The following OR51A4 variants were observed in gnomAD, a reference collection of about 807,000 sequenced individuals.
OR51A4 encodes olfactory receptor family 51 subfamily A member 4.
For synonymous variants in OR51A4, 96 were observed against 141.5 expected, an observed-to-expected ratio of 0.68 and a Z score of 2.28; for missense variants, 243 against 364.0, an observed-to-expected ratio of 0.67 and a Z score of 2.70.
In OR51A4 at chr11:4,946,106, T is replaced by G; in HGVS notation, c.*53A>C. The G allele has an allele frequency of 6.6e-7, 1 of 1,510,578 alleles. No individual in the cohort carries two copies. Among genetic ancestry groups the G allele is most frequent in the Non-Finnish European group, 9.1e-7 (1 of 1,096,270 alleles). The allele number at this position is 1,510,578 out of a possible 1,614,324, so 93.6% of individuals were successfully genotyped here. ...GGTGTCAAATATTAGGTTTCTCAAA[T>G]TTACCTTAAATATCTTACCAGACAT... On this transcript the variant is annotated 3_prime_UTR_variant, in exon 2 of 2. Coordinates refer to ENST00000641898, the MANE Select transcript of OR51A4 (RefSeq NM_001005329.2).
At position 4,945,243 on chromosome 11, in the gene OR51A4, A is replaced by G. The variant is rs995243822; in HGVS notation, c.*916T>C. The G allele has an allele frequency of 1.1e-4, 17 of 152,168 alleles. No individual in the cohort carries two copies. The highest frequency in any genetic ancestry group is 4.1e-4 in the African/African-American group (17 of 41,458). 9.4% of individuals were successfully genotyped at this position (152,168 alleles called of 1,614,324 possible). A position where few individuals can be genotyped will look rare whatever the true frequency, so the allele number is the denominator to read the frequency against. ...TATGAGGAAATTAAGCCAAAATTTA[A>G]AGAAAAAAATAGAAATGCATTATAC... On this transcript the variant is annotated 3_prime_UTR_variant, in exon 2 of 2. Coordinates refer to ENST00000641898, the MANE Select transcript of OR51A4 (RefSeq NM_001005329.2).
At position 4,947,167 on chromosome 11, in the gene OR51A4, A is replaced by G; in HGVS notation, c.-62-5T>C. On this transcript the variant is annotated splice_region_variant and splice_polypyrimidine_tract_variant and intron_variant, in intron 1 of 1. Coordinates refer to ENST00000641898, the MANE Select transcript of OR51A4 (RefSeq NM_001005329.2). ...GTGTTGGTAAAATAGGAATATCTGT[A>G]AATTTAGTAGAAAAAAAGCAGTGTT... 1.9e-6 allele frequency: 2 copies of G among 1,060,726 alleles called. No homozygotes were observed. The highest frequency in any genetic ancestry group is 2.7e-6 in the Non-Finnish European group (2 of 751,080). 65.7% of individuals were successfully genotyped at this position (1,060,726 alleles called of 1,614,324 possible). A position where few individuals can be genotyped will look rare whatever the true frequency, so the allele number is the denominator to read the frequency against.
rs750706249 is a variant in OR51A4, at chr11:4,943,518, G to C, written c.*2641C>G. 4.4e-6 allele frequency: 2 copies of C among 455,894 alleles called. No individual in the cohort carries two copies. The highest frequency in any genetic ancestry group is 8.8e-6 in the Non-Finnish European group (2 of 226,580). 28.2% of individuals were successfully genotyped at this position (455,894 alleles called of 1,614,324 possible). On this transcript the variant is annotated 3_prime_UTR_variant, in exon 2 of 2. Transcript: ENST00000641898. ...TAATGCTTGGCACCACTGACATTTT[G>C]TGCTAGATAATTCTTTTGGGTAAGG...
In OR51A4 at chr11:4,944,071, G is replaced by C. The variant is rs2605303; in HGVS notation, c.*2088C>G. The C allele has an allele frequency of 2.2e-6, 1 of 448,578 alleles. No individual in the cohort carries two copies. The allele number at this position is 448,578 out of a possible 1,614,324, so 27.8% of individuals were successfully genotyped here. On this transcript the variant is annotated 3_prime_UTR_variant, in exon 2 of 2. Transcript: ENST00000641898. ...TAATAAAATATGTCAACTACTGCTT[G>C]GTTGTACTACAACCCCAAACCCATA...
Position 4,943,115 on chromosome 11 carries a change from A to G in OR51A4, c.*3044T>C, listed in dbSNP as rs766520747. 6.0e-5 allele frequency: 10 copies of G among 166,002 alleles called. No individual in the cohort carries two copies. The highest frequency in any genetic ancestry group is 9.6e-5 in the African/African-American group (4 of 41,636). The allele number at this position is 166,002 out of a possible 1,614,324, so 10.3% of individuals were successfully genotyped here. A position where few individuals can be genotyped will look rare whatever the true frequency, so the allele number is the denominator to read the frequency against. Reference sequence around the variant, plus strand: ...TCCCCTTCGTCCCTTATAATTTTGTAGTGTTCCATCCCTTACAATGTTTTC... The same window carrying G: ...TCCCCTTCGTCCCTTATAATTTTGTGGTGTTCCATCCCTTACAATGTTTTC... On this transcript the variant is annotated 3_prime_UTR_variant, in exon 2 of 2. Transcript: ENST00000641898.
rs1220402841 is a variant in OR51A4, at chr11:4,944,312, C to G, written c.*1847G>C. On this transcript the variant is annotated 3_prime_UTR_variant, in exon 2 of 2. Transcript: ENST00000641898. Reference sequence around the variant, plus strand: ...TTTGAACCCCAGCTTTTGACTTCCTCTCTGTGTGAATTTCATTAAATCAAA... The same window carrying G: ...TTTGAACCCCAGCTTTTGACTTCCTGTCTGTGTGAATTTCATTAAATCAAA... The G allele has an allele frequency of 5.7e-6, 1 of 174,482 alleles. No individual in the cohort carries two copies. Among genetic ancestry groups the G allele is most frequent in the Non-Finnish European group, 1.2e-5 (1 of 82,232 alleles). 10.8% of individuals were successfully genotyped at this position (174,482 alleles called of 1,614,324 possible).
rs1214937884 is a variant in OR51A4, at chr11:4,944,748, AG to A, written c.*1410del. 6.6e-6 allele frequency: 1 copy of A among 152,170 alleles called. No homozygotes were observed. Among genetic ancestry groups the A allele is most frequent in the Non-Finnish European group, 1.5e-5 (1 of 68,014 alleles). The allele number at this position is 152,170 out of a possible 1,614,324, so 9.4% of individuals were successfully genotyped here. On this transcript the variant is annotated 3_prime_UTR_variant, in exon 2 of 2. Transcript: ENST00000641898. ...GGACAATTTTTCAGCCACAAATCCAAGGCAATAAATTTGTCTTTAACATCAT... is the reference window on the plus strand; with the variant it reads ...GGACAATTTTTCAGCCACAAATCCAAGCAATAAATTTGTCTTTAACATCAT...
Position 4,944,897 on chromosome 11 carries a change from C to T in OR51A4, c.*1262G>A, listed in dbSNP as rs1589946925. On this transcript the variant is annotated 3_prime_UTR_variant, in exon 2 of 2. Coordinates refer to ENST00000641898, the MANE Select transcript of OR51A4 (RefSeq NM_001005329.2). ...TATTACTGAACTCCTCAGTGAACAT[C>T]TTTTTCAACAAACATGGTCTTATTT... 1 of 151,916 alleles carries T rather than the reference C, an allele frequency of 6.6e-6. No homozygotes were observed. Among genetic ancestry groups the T allele is most frequent in the Non-Finnish European group, 1.5e-5 (1 of 67,982 alleles). The allele number at this position is 151,916 out of a possible 1,614,324, so 9.4% of individuals were successfully genotyped here.
chr11:4,946,843 G>A lies in OR51A4; in HGVS notation c.258C>T (p.Ile86=), dbSNP rs775979840. 1.4e-5 allele frequency: 22 copies of A among 1,589,410 alleles called. No individual in the cohort carries two copies. Among genetic ancestry groups the A allele is most frequent in the Non-Finnish European group, 1.9e-5 (22 of 1,161,886 alleles). ...SLSSLPTVLS[I]FLFNAPEISS... The stretch of plus-strand genomic sequence containing the variant: ...AAATTTCAGGAGCATTGAACAGGAA[G>A]ATGCTTAACACAGTGGGCAGAGATG... The change falls in exon 2 of 2, where the codon ATC becomes ATT. Residue 86 remains isoleucine (I), a synonymous_variant. Coordinates refer to ENST00000641898, the MANE Select transcript of OR51A4 (RefSeq NM_001005329.2).
rs1481826979 is a variant in OR51A4, at chr11:4,943,881, T to C, written c.*2278A>G. On this transcript the variant is annotated 3_prime_UTR_variant, in exon 2 of 2. Transcript: ENST00000641898. ...CTGTCAAAAACCCCTAAAATACAGA[T>C]GATCTTTGATACTCTTTTATGTGAC... The C allele has an allele frequency of 2.2e-6, 1 of 447,810 alleles. No homozygotes were observed. Among genetic ancestry groups the C allele is most frequent in the Admixed American group, 2.4e-5 (1 of 41,158 alleles). 27.7% of individuals were successfully genotyped at this position (447,810 alleles called of 1,614,324 possible). A position where few individuals can be genotyped will look rare whatever the true frequency, so the allele number is the denominator to read the frequency against.
Position 4,945,437 on chromosome 11 carries a change from G to A in OR51A4, c.*722C>T, listed in dbSNP as rs1846280084. The A allele has an allele frequency of 6.6e-6, 1 of 152,624 alleles. No individual in the cohort carries two copies. Among genetic ancestry groups the A allele is most frequent in the Non-Finnish European group, 1.5e-5 (1 of 68,440 alleles). The allele number at this position is 152,624 out of a possible 1,614,324, so 9.5% of individuals were successfully genotyped here. A position where few individuals can be genotyped will look rare whatever the true frequency, so the allele number is the denominator to read the frequency against. On this transcript the variant is annotated 3_prime_UTR_variant, in exon 2 of 2. Transcript: ENST00000641898. ...AGGGTCCAGGCCATGTAGGGTCTTA[G>A]AATATGTTCCTTATTGATTTAACTG...
Position 4,944,677 on chromosome 11 carries a change from T to G in OR51A4, c.*1482A>C, listed in dbSNP as rs1283408006. On this transcript the variant is annotated 3_prime_UTR_variant, in exon 2 of 2. Transcript: ENST00000641898. ...AGGTAAAATGAAAAGGCTAAAATGATTTTCGCAATATGCAAGATTTTGAGG... is the reference window on the plus strand; with the variant it reads ...AGGTAAAATGAAAAGGCTAAAATGAGTTTCGCAATATGCAAGATTTTGAGG... 1 of 152,112 alleles carries G rather than the reference T, an allele frequency of 6.6e-6. No homozygotes were observed. Among genetic ancestry groups the G allele is most frequent in the Non-Finnish European group, 1.5e-5 (1 of 68,000 alleles). 9.4% of individuals were successfully genotyped at this position (152,112 alleles called of 1,614,324 possible).
rs1217170861 is a variant in OR51A4 at position 4,945,052 on chromosome 11, G to T, written c.*1107C>A. 1 of 151,744 alleles carries T rather than the reference G, an allele frequency of 6.6e-6. No individual in the cohort carries two copies. The highest frequency in any genetic ancestry group is 1.5e-5 in the Non-Finnish European group (1 of 67,914). The allele number at this position is 151,744 out of a possible 1,614,324, so 9.4% of individuals were successfully genotyped here. A position where few individuals can be genotyped will look rare whatever the true frequency, so the allele number is the denominator to read the frequency against. On this transcript the variant is annotated 3_prime_UTR_variant, in exon 2 of 2. Transcript: ENST00000641898. ...ACTTATAGTACACTTTATTCAAGAAGAAGAAAGAAATGAAATAAGGATAAA... is the reference window on the plus strand; with the variant it reads ...ACTTATAGTACACTTTATTCAAGAATAAGAAAGAAATGAAATAAGGATAAA...
In OR51A4 at chr11:4,943,781, G is replaced by T. The variant is rs1425599281; in HGVS notation, c.*2378C>A. The T allele has an allele frequency of 7.4e-6, 3 of 406,888 alleles. No homozygotes were observed. Among genetic ancestry groups the T allele is most frequent in the Non-Finnish European group, 1.5e-5 (3 of 206,212 alleles). 25.2% of individuals were successfully genotyped at this position (406,888 alleles called of 1,614,324 possible). On this transcript the variant is annotated 3_prime_UTR_variant, in exon 2 of 2. Transcript: ENST00000641898. The stretch of plus-strand genomic sequence containing the variant: ...TTCAGAAATATGTGAAAATCATTAT[G>T]CTGACCATAAATCTTCACCTCCCCC...
rs1333961343 is a variant in OR51A4, at chr11:4,945,025, T to A, written c.*1134A>T. 1.3e-5 allele frequency: 2 copies of A among 152,058 alleles called. No homozygotes were observed. Among genetic ancestry groups the A allele is most frequent in the African/African-American group, 4.8e-5 (2 of 41,412 alleles). The allele number at this position is 152,058 out of a possible 1,614,324, so 9.4% of individuals were successfully genotyped here. A position where few individuals can be genotyped will look rare whatever the true frequency, so the allele number is the denominator to read the frequency against. ...TAAGAAAATAGATAGGTCTCTTCAA[T>A]CACTTATAGTACACTTTATTCAAGA... On this transcript the variant is annotated 3_prime_UTR_variant, in exon 2 of 2. Transcript: ENST00000641898.
rs1469207050 is a variant in OR51A4 at position 4,947,563 on chromosome 11, G to A, written c.-81C>T. On this transcript the variant is annotated 5_prime_UTR_variant, in exon 1 of 2. Coordinates refer to ENST00000641898, the MANE Select transcript of OR51A4 (RefSeq NM_001005329.2). ...TACTTACCAGTAAGTGGATATGTTT[G>A]TAAGCACTTTTGATAAAAGCTAAAT... is the stretch of plus-strand genomic sequence containing the variant. 3 of 129,484 alleles carry A rather than the reference G, an allele frequency of 2.3e-5. 1 individual carries two copies. Among genetic ancestry groups the A allele is most frequent in the African/African-American group, 5.4e-5 (2 of 36,922 alleles). 8.0% of individuals were successfully genotyped at this position (129,484 alleles called of 1,614,324 possible). A position where few individuals can be genotyped will look rare whatever the true frequency, so the allele number is the denominator to read the frequency against.
rs1019621266 is a variant in OR51A4, at chr11:4,946,017, C to T, written c.*142G>A. On this transcript the variant is annotated 3_prime_UTR_variant, in exon 2 of 2. Transcript: ENST00000641898. ...TCCTGTTTATAGTTCTATTCTCATT[C>T]GCAGTATCCAGAGTGAATAAAATAA... 2.6e-5 allele frequency: 20 copies of T among 761,868 alleles called. No homozygotes were observed. Among genetic ancestry groups the T allele is most frequent in the Admixed American group, 1.1e-4 (4 of 37,058 alleles). 47.2% of individuals were successfully genotyped at this position (761,868 alleles called of 1,614,324 possible). A position where few individuals can be genotyped will look rare whatever the true frequency, so the allele number is the denominator to read the frequency against.
chr11:4,944,200 G>A lies in OR51A4; in HGVS notation c.*1959C>T. The A allele has an allele frequency of 4.8e-6, 2 of 416,216 alleles. No homozygotes were observed. The highest frequency in any genetic ancestry group is 7.4e-5 in the East Asian group (1 of 13,570). 25.8% of individuals were successfully genotyped at this position (416,216 alleles called of 1,614,324 possible). ...CTGATGATAGGATTTTCTACACTAG[G>A]ATAGGTTTGTGAAAACATACGTAGT... On this transcript the variant is annotated 3_prime_UTR_variant, in exon 2 of 2. Transcript: ENST00000641898.
rs1233749201 is a variant in OR51A4 at position 4,945,953 on chromosome 11, A to G, written c.*206T>C. On this transcript the variant is annotated 3_prime_UTR_variant, in exon 2 of 2. Coordinates refer to ENST00000641898, the MANE Select transcript of OR51A4 (RefSeq NM_001005329.2). Reference sequence around the variant, plus strand: ...ATGCTATCATAAGACATTTATTTTTATTCTGCTTAACTGAAATGGGGACAT... The same window carrying G: ...ATGCTATCATAAGACATTTATTTTTGTTCTGCTTAACTGAAATGGGGACAT... The G allele has an allele frequency of 3.4e-6, 2 of 580,098 alleles. No individual in the cohort carries two copies. Among genetic ancestry groups the G allele is most frequent in the Admixed American group, 3.1e-5 (1 of 31,986 alleles). 35.9% of individuals were successfully genotyped at this position (580,098 alleles called of 1,614,324 possible). A position where few individuals can be genotyped will look rare whatever the true frequency, so the allele number is the denominator to read the frequency against.
Sources: allele counts gnomAD v4.1 joint callset, GRCh38; gene constraint gnomAD v4.1.1; transcripts MANE v1.5; gene names NCBI Gene and HGNC (gene_info 2026-07-23, HGNC 2026-07-21).